NBEA: variants seen among roughly 807,000 people sequenced by gnomAD.
The protein encoded by NBEA is neurobeachin, also known as lysosomal-trafficking regulator 2.
In NBEA, 44 loss-of-function variants were observed where a neutral mutation model predicts 343.4. The ratio of observed to expected loss-of-function variants is 0.13; its 90% CI spans 0.10 to 0.16. NBEA has a LOEUF of 0.16. NBEA is among the 10% of genes least tolerant of loss of function. The pLI, the probability that NBEA is intolerant of heterozygous loss-of-function variation, is 1.00. For synonymous variants in NBEA, 1,175 were observed against 1,238.7 expected, an observed-to-expected ratio of 0.95 and a Z score of 1.08; for missense variants, 2,555 against 3,631.3, an observed-to-expected ratio of 0.70 and a Z score of 7.62.
At chr13:35,574,317 A>T (rs2153031739) in intron 45 of NBEA, among the ~76,000 whole-genome samples, 1 of 149,810 alleles carries the variant, frequency 6.7e-6, no homozygotes, top group Admixed American at 6.6e-5. Flanking sequence ...AAAGCTAGTG[A>T]TTAATTTCTC....
chr13:35,325,299 T>C (rs1478361562), intron 36 of NBEA, among the ~76,000 whole-genome samples: 1 of 152,004 alleles, frequency 6.6e-6, no homozygotes, highest in Non-Finnish European at 1.5e-5. Context: ...AATATTTCTT[T>C]TTAGTTTTTT....
intron 36 of NBEA, among the ~76,000 whole-genome samples, chr13:35,339,641 ATCT>A (rs2039468783): frequency 6.6e-6 from 1 of 152,054 alleles, no homozygotes; most frequent in Non-Finnish European, 1.5e-5. Context: ...TAATGCTGAC[ATCT>A]TCTTGGCTTC....
At position 35,195,966 on chromosome 13, in the gene NBEA, T is replaced by C; in HGVS notation, c.5030T>C (p.Ile1677Thr). The C allele has an allele frequency of 6.2e-7, 1 of 1,613,628 alleles. No individual in the cohort carries two copies. The highest frequency in any genetic ancestry group is 8.5e-7 in the Non-Finnish European group (1 of 1,179,702). ...TCAATTCCCCATACAGATTCAGGAA[T>C]TGGAGAGGAGCAAGTGGCTAGCATC... is the stretch of plus-strand genomic sequence containing the variant. ...ESSIPHTDSG[I>T]GEEQVASILN... Residue 1677 changes from isoleucine to threonine, a missense_variant, in exon 31 of 59, where the codon ATT (isoleucine) becomes ACT (threonine). Ile to Thr is a moderately conservative substitution (Grantham distance 89, BLOSUM62 -1). Coordinates refer to ENST00000379939, the MANE Select transcript of NBEA (RefSeq NM_001385012.1).
At position 35,173,544 on chromosome 13, in the gene NBEA, A is replaced by G. The variant is rs41292197; in HGVS notation, c.4504A>G (p.Ser1502Gly). 44,228 of 1,611,986 alleles carry G rather than the reference A, an allele frequency of 0.027. 1,579 individuals carry two copies. The highest frequency in any genetic ancestry group is 0.14 in the South Asian group (13,033 of 90,696). Reference sequence around the variant, plus strand: ...GGGAAATAAATCTTCCCATGGAAGCAGTAAACCTCAGGAAGTTCCTCAAAG... The same window carrying G: ...GGGAAATAAATCTTCCCATGGAAGCGGTAAACCTCAGGAAGTTCCTCAAAG... ...DRGNKSSHGS[S>G]KPQEVPQSVT... The change falls in exon 27 of 59, where the codon AGT (serine) becomes GGT (glycine). Residue 1502 changes from serine to glycine, a missense_variant. Transcript: ENST00000379939.
At chr13:35,534,311 C>T (rs941108371) in intron 41 of NBEA, among the ~76,000 whole-genome samples, 1 of 152,158 alleles carries the variant, frequency 6.6e-6, no homozygotes, top group African/African-American at 2.4e-5. Flanking sequence ...GTCTGTTCTT[C>T]CTTCCCTCTT....
intron 36 of NBEA, among the ~76,000 whole-genome samples, chr13:35,311,228 T>G (rs906819194): frequency 1.3e-5 from 2 of 152,064 alleles, no homozygotes; most frequent in African/African-American, 4.8e-5. Flanking sequence ...CAGAAAAAAC[T>G]ATTTGCTAAG....
chr13:35,353,011 T>C (rs1435803569), intron 38 of NBEA, among the ~76,000 whole-genome samples: 3 of 152,144 alleles, frequency 2.0e-5, no homozygotes, highest in Non-Finnish European at 4.4e-5. Context: ...TGTTCTTCCT[T>C]TTTATATTAT....
intron 1 of NBEA, among the ~76,000 whole-genome samples, chr13:35,015,569 A>G (rs1171831804): frequency 1.3e-5 from 2 of 152,136 alleles, no homozygotes; most frequent in Admixed American, 1.3e-4. Context: ...TACTCTAACA[A>G]GTAAGATAAT....
intron 35 of NBEA, among the ~76,000 whole-genome samples, chr13:35,308,783 A>G (rs1322757714): frequency 2.0e-5 from 3 of 150,570 alleles, no homozygotes; most frequent in African/African-American, 7.3e-5. Flanking sequence ...TATAAATTAT[A>G]TTCTAAATGT....
chr13:35,565,566 T>G (rs557506529), intron 44 of NBEA, among the ~76,000 whole-genome samples: 2 of 152,322 alleles, frequency 1.3e-5, no homozygotes, highest in South Asian at 4.1e-4. Context: ...AATAGCTGTT[T>G]TGTGTGAATT....
intron 41 of NBEA, among the ~76,000 whole-genome samples, chr13:35,530,857 AAC>A (rs2078228985): frequency 6.6e-6 from 1 of 152,186 alleles, no homozygotes; most frequent in Non-Finnish European, 1.5e-5. Context: ...GATCATTACT[AAC>A]AGTCTACACT....
At chr13:35,537,436 G>A (rs905452683) in intron 41 of NBEA, among the ~76,000 whole-genome samples, 3 of 151,874 alleles carry the variant, frequency 2.0e-5, no homozygotes, top group Non-Finnish European at 4.4e-5. Context: ...CAGGCATTGT[G>A]CTAAGTAATA....
rs1286301077 is a variant in NBEA, at chr13:35,349,132, C to G, written c.5928C>G (p.Asp1976Glu). 6.2e-7 allele frequency: 1 copy of G among 1,602,366 alleles called. No homozygotes were observed. Among genetic ancestry groups the G allele is most frequent in the Non-Finnish European group, 8.5e-7 (1 of 1,172,952 alleles). The stretch of plus-strand genomic sequence containing the variant: ...GATTACTGTGCCATGCTATGAAGGA[C>G]CATATAGTCCGTGTTGCAAATGAAG... ...EGRLLCHAMK[D>E]HIVRVANEAE... Residue 1976 changes from aspartate (D) to glutamate (E), a missense_variant, in exon 37 of 59, where the codon GAC becomes GAG. By Grantham distance (45) the Asp-to-Glu change is conservative. This residue lies in a region of NBEA where 84 missense variants were observed against 196.4 expected (regional missense o/e 0.43). Coordinates refer to ENST00000379939, the MANE Select transcript of NBEA (RefSeq NM_001385012.1).
rs187870744 is a variant in NBEA at position 35,496,463 on chromosome 13, T to C, written c.6585+23927T>C. On this transcript the variant is annotated intron_variant, in intron 41 of 58. Coordinates refer to ENST00000379939, the MANE Select transcript of NBEA (RefSeq NM_001385012.1). ...CCGCCTGAGCAACATGGTGAGATCT[T>C]GTCTCTAAAAAAATGAAAACCTTAG... Among the ~76,000 whole-genome samples the C allele has an allele frequency of 9.2e-5, 14 of 151,518 alleles. No individual in the cohort carries two copies. The East Asian group carries it at 2.2e-3, about 23-fold the overall frequency.
At position 35,564,468 on chromosome 13, in the gene NBEA, G is replaced by A. The variant is rs931844649; in HGVS notation, c.6923-2437G>A. ...AGAAATAGCTCTGTCTAGCCAATCT[G>A]TACTCTTTGTATATATACATATAAA... On this transcript the variant is annotated intron_variant, in intron 44 of 58. Coordinates refer to ENST00000379939, the MANE Select transcript of NBEA (RefSeq NM_001385012.1). 3.9e-5 allele frequency among the ~76,000 whole-genome samples: 6 copies of A among 152,052 alleles called. No homozygotes were observed. The East Asian group carries it at 7.7e-4, about 20-fold the overall frequency.
chr13:35,124,721 T>C (rs771907659), intron 17 of NBEA, among the ~76,000 whole-genome samples: 7 of 151,582 alleles, frequency 4.6e-5, no homozygotes, highest in Non-Finnish European at 1.0e-4. Flanking sequence ...TATGGATATA[T>C]ATACACATAT....
intron 39 of NBEA, among the ~76,000 whole-genome samples, chr13:35,437,158 A>G (rs2152934241): frequency 6.6e-6 from 1 of 152,284 alleles, no homozygotes; most frequent in African/African-American, 2.4e-5. Context: ...AAATTCAACT[A>G]AACATTTTAA....
chr13:35,311,483 A>C (rs2037362371), intron 36 of NBEA, among the ~76,000 whole-genome samples: 1 of 152,200 alleles, frequency 6.6e-6, no homozygotes, highest in East Asian at 1.9e-4. Flanking sequence ...TGCTTTTGTC[A>C]GTCAGTGGTA....
At chr13:34,983,449 G>A (rs2060432742) in intron 1 of NBEA, among the ~76,000 whole-genome samples, 2 of 152,152 alleles carry the variant, frequency 1.3e-5, no homozygotes, top group South Asian at 4.1e-4. Flanking sequence ...TTGGTTCTAA[G>A]TCTTTGCTAT....
Sources: allele counts gnomAD v4.1 joint callset (sites outside exome capture counted in the v4.1 genomes callset), GRCh38; gene constraint gnomAD v4.1.1; regional missense constraint gnomAD v4.1.1; transcripts MANE v1.5; gene names NCBI Gene and HGNC (gene_info 2026-07-23, HGNC 2026-07-21).